Variants in TTC21A observed in about 807,000 individuals in gnomAD.
TTC21A encodes tetratricopeptide repeat protein 21A.
In TTC21A, 128 loss-of-function variants were observed where a neutral mutation model predicts 156.4. That is an observed-to-expected ratio of 0.82 (90% CI 0.71 to 0.95). The LOEUF (loss-of-function observed/expected upper bound fraction) is 0.95. TTC21A is among the 40% of genes least tolerant of loss of function. TTC21A has a pLI of 0.00. For synonymous variants in TTC21A, 587 were observed against 617.1 expected (o/e 0.95, Z 0.72); for missense variants, 1,435 against 1,602.3 (o/e 0.90, Z 1.78).
In TTC21A at chr3:39,130,918, A is replaced by T; in HGVS notation, c.2459-74A>T. The T allele has an allele frequency of 1.9e-5, 30 of 1,608,214 alleles. No homozygotes were observed. The highest frequency in any genetic ancestry group is 2.5e-5 in the Non-Finnish European group (29 of 1,175,794). On this transcript the variant is annotated intron_variant, in intron 18 of 28. Transcript: ENST00000683103. This position sits in a 1 kb window ranked among gnomAD's most constrained non-coding sequence, Gnocchi z 4.5. Reference sequence around the variant, plus strand: ...CCATTCCCCATTAGCTGAAGTCCTGATCCCAGCGCTCCCCACCAACACAGC... The same window carrying T: ...CCATTCCCCATTAGCTGAAGTCCTGTTCCCAGCGCTCCCCACCAACACAGC...
chr3:39,111,244 A>G (rs528022944), intron 4 of TTC21A, among the ~76,000 whole-genome samples: 1 of 152,308 alleles, frequency 6.6e-6, no homozygotes, highest in East Asian at 1.9e-4. Flanking sequence ...TAGATTTTCT[A>G]TGGCTTGCAC....
In TTC21A at chr3:39,133,123, G is replaced by A. The variant is rs1377951016; in HGVS notation, c.2634G>A (p.Lys878=). 2.5e-6 allele frequency: 4 copies of A among 1,614,136 alleles called. No homozygotes were observed. The African/African-American group carries it at 4.0e-5, about 16-fold the overall frequency. The change falls in exon 20 of 29, where the codon AAG becomes AAA. Residue 878 remains lysine, a synonymous_variant. Transcript: ENST00000683103. The stretch of plus-strand genomic sequence containing the variant: ...AACCAGAAATGATTCCCTCCCAGAA[G>A]CAACTGGCAGCCTCTATCTGCATCC... ...LEQPEMIPSQ[K]QLAASICIQF...
At position 39,128,407 on chromosome 3, in the gene TTC21A, C is replaced by A; in HGVS notation, c.1599C>A (p.Leu533=). ...CCGCCTCCGTGGATGCCCATCTCCT[C>A]ATGTGTCAGATCTACTTGGCTCAGG... ...LDPASVDAHL[L]MCQIYLAQGN... Residue 533 remains leucine (L), a synonymous_variant, in exon 13 of 29, where the codon CTC becomes CTA. Coordinates refer to ENST00000683103, the MANE Select transcript of TTC21A (RefSeq NM_001366900.1). The A allele has an allele frequency of 6.2e-7, 1 of 1,614,194 alleles. No homozygotes were observed. The highest frequency in any genetic ancestry group is 1.1e-5 in the South Asian group (1 of 91,082).
In TTC21A at chr3:39,134,620, C is replaced by G. The variant is rs1036954476; in HGVS notation, c.2862+292C>G. On this transcript the variant is annotated intron_variant, in intron 21 of 28. Transcript: ENST00000683103. The surrounding 1 kb of genome is among the most constrained non-coding windows in gnomAD (Gnocchi z 4.6). Reference sequence around the variant, plus strand: ...ACTGTAGGTGAAGGCAAGGGCGGGACAGGTTCCTGGGGCTTCAGGAAAAGC... The same window carrying G: ...ACTGTAGGTGAAGGCAAGGGCGGGAGAGGTTCCTGGGGCTTCAGGAAAAGC... 7.6e-6 allele frequency: 4 copies of G among 523,794 alleles called. No homozygotes were observed. The highest frequency in any genetic ancestry group is 1.9e-5 in the African/African-American group (1 of 52,318). 32.4% of individuals were successfully genotyped at this position (523,794 alleles called of 1,614,324 possible).
chr3:39,125,104 G>A lies in TTC21A; in HGVS notation c.1135G>A (p.Ala379Thr). The change falls in exon 10 of 29, where the codon GCT (alanine) becomes ACT (threonine). Residue 379 changes from alanine to threonine, a missense_variant. Physicochemically the swap from Ala to Thr is moderately conservative, Grantham distance 58. Coordinates refer to ENST00000683103, the MANE Select transcript of TTC21A (RefSeq NM_001366900.1). ...TATCTTAGAAGGCCACCTGGAGGAA[G>A]CTGAGTACCGGCTGGAATTCCTGAA... ...CHILEGHLEEAEYRLEFLKEV... is the reference protein window; with the variant it reads ...CHILEGHLEETEYRLEFLKEV... 2 of 1,614,116 alleles carry A rather than the reference G, an allele frequency of 1.2e-6. No individual in the cohort carries two copies. Among genetic ancestry groups the A allele is most frequent in the Non-Finnish European group, 1.7e-6 (2 of 1,180,012 alleles).
chr3:39,125,177 G>A lies in TTC21A; in HGVS notation c.1191+17G>A, dbSNP rs753062097. ...AAGTCTGAGGTCAGAGCTCCCTGGG[G>A]GTATGGGTTGCTCCAGGATGATGTC... is the stretch of plus-strand genomic sequence containing the variant. On this transcript the variant is annotated intron_variant, in intron 10 of 28. Coordinates refer to ENST00000683103, the MANE Select transcript of TTC21A (RefSeq NM_001366900.1). The A allele has an allele frequency of 4.4e-6, 7 of 1,596,354 alleles. No homozygotes were observed. Among genetic ancestry groups the A allele is most frequent in the East Asian group, 2.2e-5 (1 of 44,818 alleles).
At chr3:39,112,360 G>A in intron 4 of TTC21A, 98 bp from the exon 5 acceptor site, 3 of 1,281,338 alleles carry the variant, frequency 2.3e-6, no homozygotes, top group Non-Finnish European at 3.4e-6. Context: ...GCCTGGCAGG[G>A]CCTCAGGGTT....
Position 39,111,460 on chromosome 3 carries a change from A to T in TTC21A, c.435+443A>T, listed in dbSNP as rs553746852. ...CTTACTGGTTCTTTTGAAGACCCAG[A>T]TGAGCTGGCCACACTGGGCCATTCC... On this transcript the variant is annotated intron_variant, in intron 4 of 28. Coordinates refer to ENST00000683103, the MANE Select transcript of TTC21A (RefSeq NM_001366900.1). Among the ~76,000 whole-genome samples, 3 of 152,268 alleles carry T rather than the reference A, an allele frequency of 2.0e-5. No homozygotes were observed. The East Asian group carries it at 5.8e-4, about 29-fold the overall frequency.
chr3:39,109,302 T>A, intron 2 of TTC21A, 88 bp downstream of exon 2: 2 of 1,432,776 alleles, frequency 1.4e-6, no homozygotes, highest in Non-Finnish European at 9.6e-7. Flanking sequence ...TCTTGTATCC[T>A]AGTTATGGTC....
At chr3:39,125,591 A>C in intron 11 of TTC21A, 59 bp downstream of exon 11, 1 of 1,261,702 alleles carries the variant, frequency 7.9e-7, no homozygotes, top group Non-Finnish European at 1.2e-6. Context: ...GATGGTGCCC[A>C]CCTGAAGGAC....
rs2038631010 is a variant in TTC21A, at chr3:39,130,373, G to A, written c.2319+15G>A. Reference sequence around the variant, plus strand: ...AGTATACTGAGGTCAGGCTGGGCTAGGGTGTGAAGGGGCAGGGAGGGCCAG... The same window carrying A: ...AGTATACTGAGGTCAGGCTGGGCTAAGGTGTGAAGGGGCAGGGAGGGCCAG... On this transcript the variant is annotated intron_variant, in intron 17 of 28. Coordinates refer to ENST00000683103, the MANE Select transcript of TTC21A (RefSeq NM_001366900.1). This position sits in a 1 kb window ranked among gnomAD's most constrained non-coding sequence, Gnocchi z 4.5. 2 of 1,597,566 alleles carry A rather than the reference G, an allele frequency of 1.3e-6. No homozygotes were observed. The highest frequency in any genetic ancestry group is 2.7e-5 in the African/African-American group (2 of 74,552).
At chr3:39,133,357 A>G (rs2038879468) in intron 20 of TTC21A, 117 bp downstream of exon 20, 1 of 1,074,302 alleles carries the variant, frequency 9.3e-7, no homozygotes, top group South Asian at 1.6e-5. Context: ...GGAGTCACAG[A>G]TATGATGGGC....
At chr3:39,120,952 C>A in intron 8 of TTC21A, 45 bp from the exon 9 acceptor site, 1 of 1,541,620 alleles carries the variant, frequency 6.5e-7, no homozygotes, top group Non-Finnish European at 8.8e-7. Flanking sequence ...CTCATACAGG[C>A]TGGACTGACT....
Position 39,130,937 on chromosome 3 carries a change from A to C in TTC21A, c.2459-55A>C. 1 of 1,607,660 alleles carries C rather than the reference A, an allele frequency of 6.2e-7. No homozygotes were observed. The highest frequency in any genetic ancestry group is 8.5e-7 in the Non-Finnish European group (1 of 1,175,418). On this transcript the variant is annotated intron_variant, in intron 18 of 28. Transcript: ENST00000683103. The surrounding 1 kb of genome is among the most constrained non-coding windows in gnomAD (Gnocchi z 4.5). Reference sequence around the variant, plus strand: ...GTCCTGATCCCAGCGCTCCCCACCAACACAGCTTCCCAGGAGCCAGTGAAC... The same window carrying C: ...GTCCTGATCCCAGCGCTCCCCACCACCACAGCTTCCCAGGAGCCAGTGAAC...
In TTC21A at chr3:39,112,071, AG is replaced by A. The variant is rs530395754; in HGVS notation, c.436-385del. On this transcript the variant is annotated intron_variant, in intron 4 of 28. Transcript: ENST00000683103. ...GGAGACATCAAGAGTGGCCTTGCGT[AG>A]GCCCCCATGTTGGCTCCTGACCCCA... Among the ~76,000 whole-genome samples the A allele has an allele frequency of 2.6e-3, 398 of 152,328 alleles. 3 individuals carry two copies. The highest frequency in any genetic ancestry group is 7.8e-3 in the African/African-American group (325 of 41,570).
chr3:39,134,887 G>A lies in TTC21A; in HGVS notation c.2863-206G>A, dbSNP rs1437282710. On this transcript the variant is annotated intron_variant, in intron 21 of 28. Coordinates refer to ENST00000683103, the MANE Select transcript of TTC21A (RefSeq NM_001366900.1). This position sits in a 1 kb window ranked among gnomAD's most constrained non-coding sequence, Gnocchi z 4.6. ...CCCAACTCTTCTTGCCCCTCACCTT[G>A]GGAAGTCCTCACCTTCTGGGTGGGG... 3.3e-6 allele frequency: 2 copies of A among 601,146 alleles called. No homozygotes were observed. Among genetic ancestry groups the A allele is most frequent in the Non-Finnish European group, 5.9e-6 (2 of 336,706 alleles). 37.2% of individuals were successfully genotyped at this position (601,146 alleles called of 1,614,324 possible).
At chr3:39,120,455 A>C (rs563344699) in intron 8 of TTC21A, among the ~76,000 whole-genome samples, 3 of 152,300 alleles carry the variant, frequency 2.0e-5, no homozygotes, top group African/African-American at 7.2e-5. Flanking sequence ...GGAAGGTTCA[A>C]CTAGACCAGG....
chr3:39,127,985 A>G (rs554964767), intron 12 of TTC21A, among the ~76,000 whole-genome samples: 9 of 152,186 alleles, frequency 5.9e-5, no homozygotes, highest in Non-Finnish European at 8.8e-5. Context: ...TGCTGTTACT[A>G]CTAGGTTTTG....
rs2036747922 is a variant in TTC21A at position 39,110,751 on chromosome 3, G to A, written c.269-100G>A. ...TGAAGGAGATCCACAGTGTCTGGGGGAGACCCCGAGGTAGTTCCCTGGGCC... is the reference window on the plus strand; with the variant it reads ...TGAAGGAGATCCACAGTGTCTGGGGAAGACCCCGAGGTAGTTCCCTGGGCC... On this transcript the variant is annotated intron_variant, in intron 3 of 28. Coordinates refer to ENST00000683103, the MANE Select transcript of TTC21A (RefSeq NM_001366900.1). 5.4e-6 allele frequency: 7 copies of A among 1,298,976 alleles called. No individual in the cohort carries two copies. The Admixed American group carries it at 8.2e-5, about 15-fold the overall frequency. 80.5% of individuals were successfully genotyped at this position (1,298,976 alleles called of 1,614,324 possible). A position where few individuals can be genotyped will look rare whatever the true frequency, so the allele number is the denominator to read the frequency against.
Sources: allele counts gnomAD v4.1 joint callset (sites outside exome capture counted in the v4.1 genomes callset), GRCh38; gene constraint gnomAD v4.1.1; non-coding constraint Gnocchi (gnomAD v3.1); transcripts MANE v1.5; gene names NCBI Gene and HGNC (gene_info 2026-07-23, HGNC 2026-07-21).